IL1RAPL1: variants seen among roughly 807,000 people sequenced by gnomAD.
The protein encoded by IL1RAPL1 is interleukin 1 receptor accessory protein like 1.
IL1RAPL1 carries 3 observed loss-of-function variants against 48.4 expected under a neutral mutation model. The observed-to-expected ratio is 0.06, with a 90% CI of 0.03 to 0.16. IL1RAPL1 has a LOEUF of 0.16. Among genes scored for constraint, IL1RAPL1 ranks in the 10% least tolerant of loss-of-function variants. The pLI is 1.00. For synonymous variants in IL1RAPL1, 185 were observed against 187.7 expected (o/e 0.99, Z 0.12); for missense variants, 349 against 530.6 (o/e 0.66, Z 3.36).
At chrX:29,447,487 T>G (rs1934626548) in intron 5 of IL1RAPL1, among the ~76,000 whole-genome samples, 1 of 112,161 alleles carries the variant, frequency 8.9e-6, no homozygotes, top group South Asian at 3.6e-4. Flanking sequence ...CAATAAGATA[T>G]CTTTGTAATT....
At chrX:29,119,815 AGG>A (rs1928745925) in intron 2 of IL1RAPL1, among the ~76,000 whole-genome samples, 1 of 111,523 alleles carries the variant, frequency 9.0e-6, no homozygotes, top group Non-Finnish European at 1.9e-5. Flanking sequence ...CATCAAGGAA[AGG>A]GGGAAAATAC....
At chrX:29,524,159 T>C (rs1353229171) in intron 5 of IL1RAPL1, among the ~76,000 whole-genome samples, 2 of 101,419 alleles carry the variant, frequency 2.0e-5, no homozygotes, top group East Asian at 6.4e-4. Flanking sequence ...TTAAGTCTGG[T>C]TTATTCTCAT....
At chrX:29,355,529 T>C (rs1209027564) in intron 3 of IL1RAPL1, among the ~76,000 whole-genome samples, 1 of 112,448 alleles carries the variant, frequency 8.9e-6, no homozygotes, top group African/African-American at 3.2e-5. Context: ...CAAACAGCAA[T>C]CATTTCTTTT....
intron 1 of IL1RAPL1, among the ~76,000 whole-genome samples, chrX:28,761,175 T>G (rs1176875830): frequency 9.0e-6 from 1 of 110,584 alleles, no homozygotes; most frequent in East Asian, 2.8e-4. Flanking sequence ...GAGTGTAAAT[T>G]ATTTCAGGCA....
intron 2 of IL1RAPL1, among the ~76,000 whole-genome samples, chrX:29,220,329 A>G (rs148740095): frequency 8.9e-6 from 1 of 112,886 alleles, no homozygotes; most frequent in African/African-American, 3.2e-5. Context: ...TTACATGTCT[A>G]ACATATCTAA....
chrX:28,767,272 C>T (rs150783194), intron 1 of IL1RAPL1, among the ~76,000 whole-genome samples: 121 of 111,045 alleles, frequency 1.1e-3, no homozygotes, highest in African/African-American at 3.6e-3. Flanking sequence ...GTTTTGATTT[C>T]AGGTGACACA....
chrX:29,009,145 T>C (rs1035364954), intron 2 of IL1RAPL1, among the ~76,000 whole-genome samples: 10 of 112,064 alleles, frequency 8.9e-5, no homozygotes, highest in African/African-American at 2.9e-4. Flanking sequence ...TTGCTAAACA[T>C]TGGGTACACA....
chrX:29,418,117 ATATATATAT>A (rs1490963740), intron 5 of IL1RAPL1, among the ~76,000 whole-genome samples: 1 of 30,693 alleles, frequency 3.3e-5, no homozygotes, highest in African/African-American at 1.1e-4. Context: ...ATATATATAT[ATATATATAT>A]TTTTTTTTTT....
At chrX:29,743,980 C>T (rs1928271071) in intron 6 of IL1RAPL1, among the ~76,000 whole-genome samples, 1 of 111,695 alleles carries the variant, frequency 9.0e-6, no homozygotes, top group East Asian at 2.8e-4. Flanking sequence ...ACTGCAAATA[C>T]ATGAATGAAT....
chrX:28,708,625 A>G (rs1935402706), intron 1 of IL1RAPL1, among the ~76,000 whole-genome samples: 1 of 111,972 alleles, frequency 8.9e-6, no homozygotes, highest in Non-Finnish European at 1.9e-5. Flanking sequence ...TATATTGTTC[A>G]GGTATAAAAA....
At chrX:29,154,712 CA>C (rs1929533731) in intron 2 of IL1RAPL1, among the ~76,000 whole-genome samples, 2 of 111,307 alleles carry the variant, frequency 1.8e-5, no homozygotes, top group Non-Finnish European at 3.8e-5. Flanking sequence ...ATTTTTCAAC[CA>C]AAGAGATTAT....
intron 5 of IL1RAPL1, among the ~76,000 whole-genome samples, chrX:29,407,972 A>G (rs1381331629): frequency 8.9e-6 from 1 of 112,236 alleles, no homozygotes; most frequent in African/African-American, 3.2e-5. Flanking sequence ...GAAAACATTC[A>G]ACTTTGTATT....
chrX:29,566,462 A>G (rs917965269), intron 5 of IL1RAPL1, among the ~76,000 whole-genome samples: 2 of 111,596 alleles, frequency 1.8e-5, no homozygotes, highest in African/African-American at 6.5e-5. Flanking sequence ...AAATAACACT[A>G]GATAATTTGA....
At chrX:28,863,929 T>C (rs1259212327) in intron 2 of IL1RAPL1, among the ~76,000 whole-genome samples, 1 of 112,195 alleles carries the variant, frequency 8.9e-6, no homozygotes, top group Non-Finnish European at 1.9e-5. Flanking sequence ...ACTCCTGCCT[T>C]ATTTTTTGCA....
chrX:28,953,454 C>G (rs1439685283), intron 2 of IL1RAPL1, among the ~76,000 whole-genome samples: 1 of 111,401 alleles, frequency 9.0e-6, no homozygotes, highest in African/African-American at 3.3e-5. Context: ...TTTACAAAGA[C>G]CAAGAAAATG....
intron 2 of IL1RAPL1, among the ~76,000 whole-genome samples, chrX:28,874,944 G>A (rs1370598481): frequency 8.9e-6 from 1 of 111,947 alleles, no homozygotes; most frequent in Non-Finnish European, 1.9e-5. Context: ...TATATAATCA[G>A]AAGGAACCAT....
intron 5 of IL1RAPL1, among the ~76,000 whole-genome samples, chrX:29,644,542 A>G (rs1241959601): frequency 1.9e-5 from 2 of 104,083 alleles, no homozygotes; most frequent in Non-Finnish European, 3.9e-5. Flanking sequence ...ATTGTCTATC[A>G]TGTGTTTTTT....
At chrX:29,191,456 T>G (rs1406082395) in intron 2 of IL1RAPL1, among the ~76,000 whole-genome samples, 1 of 111,620 alleles carries the variant, frequency 9.0e-6, no homozygotes, top group Admixed American at 9.6e-5. Context: ...TGTACTTATT[T>G]TAAAGCAGTG....
intron 5 of IL1RAPL1, among the ~76,000 whole-genome samples, chrX:29,444,410 C>G (rs1040765395): frequency 1.0e-4 from 11 of 108,102 alleles, no homozygotes; most frequent in Non-Finnish European, 9.6e-5. Flanking sequence ...GAATTTGTGG[C>G]CTTTTGAAAA....
Sources: gnomAD v4.1 joint callset for allele counts (sites outside exome capture counted in the v4.1 genomes callset) on GRCh38, gnomAD v4.1.1 for gene constraint, MANE v1.5 for transcripts, NCBI Gene and HGNC (gene_info 2026-07-23, HGNC 2026-07-21) for gene names.